The following IFFO2 variants were observed in gnomAD, a reference collection of about 807,000 sequenced individuals.
The protein encoded by IFFO2 is intermediate filament family orphan 2.
IFFO2 carries 19 observed loss-of-function variants against 53.5 expected under a neutral mutation model. That is an observed-to-expected ratio of 0.36 (90% CI 0.25 to 0.52). IFFO2 has a LOEUF of 0.52. Among genes scored for constraint, IFFO2 ranks in the 20% least tolerant of loss-of-function variants. The pLI, the probability that IFFO2 is intolerant of heterozygous loss-of-function variation, is 0.94. For synonymous variants in IFFO2, 303 were observed against 313.6 expected (o/e 0.97, Z 0.36); for missense variants, 570 against 727.4 (o/e 0.78, Z 2.49).
At chr1:18,953,749 G>A (rs747779613) in intron 1 of IFFO2, among the ~76,000 whole-genome samples, 12 of 152,186 alleles carry the variant, frequency 7.9e-5, no homozygotes, top group Non-Finnish European at 1.5e-4. Context: ...CAGCAGCACC[G>A]TCTCATTCCA....
intron 1 of IFFO2, among the ~76,000 whole-genome samples, chr1:18,954,160 C>T (rs1488240247): frequency 1.3e-5 from 2 of 152,202 alleles, no homozygotes; most frequent in Admixed American, 6.5e-5. Context: ...TAAGACCTAC[C>T]CCCAGGAAGC....
At chr1:18,913,773 G>A (rs566697305) in intron 5 of IFFO2, among the ~76,000 whole-genome samples, 6 of 152,202 alleles carry the variant, frequency 3.9e-5, no homozygotes, top group African/African-American at 1.4e-4. Context: ...CAGAATGGGG[G>A]TGGGGGGTGA....
chr1:18,951,511 G>A (rs1306005436), intron 1 of IFFO2, among the ~76,000 whole-genome samples: 1 of 152,202 alleles, frequency 6.6e-6, no homozygotes, highest in Non-Finnish European at 1.5e-5. Context: ...AGGATGGCTG[G>A]ACAGGCTTCT....
In IFFO2 at chr1:18,947,997, C is replaced by T. The variant is rs947538896; in HGVS notation, c.665+7671G>A. On this transcript the variant is annotated intron_variant, in intron 1 of 8. Transcript: ENST00000455833. This position sits in a 1 kb window ranked among gnomAD's most constrained non-coding sequence, Gnocchi z 5.0. ...TGGGGTCCAGAGACCCAGACGGACTCGTGGCGAGATCTGGGACAGAAGTCT... is the reference window on the plus strand; with the variant it reads ...TGGGGTCCAGAGACCCAGACGGACTTGTGGCGAGATCTGGGACAGAAGTCT... Among the ~76,000 whole-genome samples the T allele has an allele frequency of 6.6e-6, 1 of 152,154 alleles. No individual in the cohort carries two copies. Among genetic ancestry groups the T allele is most frequent in the South Asian group, 2.1e-4 (1 of 4,826 alleles).
At chr1:18,945,677 G>A (rs1936578796) in intron 1 of IFFO2, among the ~76,000 whole-genome samples, 1 of 152,238 alleles carries the variant, frequency 6.6e-6, no homozygotes. Context: ...AGACAGCTCA[G>A]AGACAGGCCC....
At chr1:18,943,253 T>C (rs1936543785) in intron 1 of IFFO2, among the ~76,000 whole-genome samples, 1 of 152,054 alleles carries the variant, frequency 6.6e-6, no homozygotes, top group Non-Finnish European at 1.5e-5. Flanking sequence ...GTGGTGTGTG[T>C]CTGAAGTCCT....
At chr1:18,933,946 C>T (rs1400799514) in intron 1 of IFFO2, among the ~76,000 whole-genome samples, 1 of 151,858 alleles carries the variant, frequency 6.6e-6, no homozygotes, top group Admixed American at 6.6e-5. Context: ...CCCGCAGCCC[C>T]TGGCAACCAC....
intron 1 of IFFO2, among the ~76,000 whole-genome samples, chr1:18,942,931 C>T (rs1226156044): frequency 6.6e-6 from 1 of 150,686 alleles, no homozygotes; most frequent in Admixed American, 6.6e-5. Flanking sequence ...CTCCACCTTG[C>T]GGGTTCAAGC....
chr1:18,908,869 G>A (rs537459437), intron 8 of IFFO2, among the ~76,000 whole-genome samples: 3 of 152,174 alleles, frequency 2.0e-5, no homozygotes, highest in South Asian at 2.1e-4. Flanking sequence ...TGGTCTGGCT[G>A]TGTTGGCTTC....
At position 18,905,226 on chromosome 1, in the gene IFFO2, A is replaced by G. The variant is rs1217652388; in HGVS notation, c.*3335T>C. 6.6e-6 allele frequency: 1 copy of G among 151,542 alleles called. No homozygotes were observed. The highest frequency in any genetic ancestry group is 2.4e-5 in the African/African-American group (1 of 41,150). 9.4% of individuals were successfully genotyped at this position (151,542 alleles called of 1,614,324 possible). On this transcript the variant is annotated 3_prime_UTR_variant, in exon 9 of 9. Coordinates refer to ENST00000455833, the MANE Select transcript of IFFO2 (RefSeq NM_001136265.2). ...AGCTGAGGGGTCAGAGGAGAGGAGA[A>G]TGGGGTGAAGTGGGACCTACACTCT...
chr1:18,944,510 T>C (rs1344974533), intron 1 of IFFO2, among the ~76,000 whole-genome samples: 2 of 152,044 alleles, frequency 1.3e-5, no homozygotes, highest in African/African-American at 2.4e-5. Context: ...GTGGCCAGCA[T>C]TGAGCTCCAA....
chr1:18,913,559 C>G (rs573521881), intron 5 of IFFO2, among the ~76,000 whole-genome samples: 143 of 152,364 alleles, frequency 9.4e-4, no homozygotes, highest in Non-Finnish European at 1.7e-3. Flanking sequence ...CACACGTTCC[C>G]CCTCTTCTCC....
intron 1 of IFFO2, among the ~76,000 whole-genome samples, chr1:18,922,572 C>G (rs1169265122): frequency 1.3e-5 from 2 of 152,196 alleles, no homozygotes; most frequent in Non-Finnish European, 1.5e-5. Context: ...GACACACACT[C>G]TCTCCCTCTC....
rs1936335532 is a variant in IFFO2 at position 18,928,774 on chromosome 1, G to C, written c.666-7653C>G. On this transcript the variant is annotated intron_variant, in intron 1 of 8. Coordinates refer to ENST00000455833, the MANE Select transcript of IFFO2 (RefSeq NM_001136265.2). This position sits in a 1 kb window ranked among gnomAD's most constrained non-coding sequence, Gnocchi z 4.9. ...AGTCCCTTCTCTGCCCTGGGCCTCAGTCTCCCCATCTATAATAGGATCTCC... is the reference window on the plus strand; with the variant it reads ...AGTCCCTTCTCTGCCCTGGGCCTCACTCTCCCCATCTATAATAGGATCTCC... 6.6e-6 allele frequency among the ~76,000 whole-genome samples: 1 copy of C among 152,222 alleles called. No homozygotes were observed. Among genetic ancestry groups the C allele is most frequent in the African/African-American group, 2.4e-5 (1 of 41,456 alleles).
At position 18,916,825 on chromosome 1, in the gene IFFO2, A is replaced by T. The variant is rs1465897556; in HGVS notation, c.1103+78T>A. ...TCTTCCAGTGCTGCAGGCTACTCTC[A>T]GCCCAAGCCTCCCATTCACCGCCCC... is the stretch of plus-strand genomic sequence containing the variant. On this transcript the variant is annotated intron_variant, in intron 5 of 8. Transcript: ENST00000455833. The surrounding 1 kb of genome is among the most constrained non-coding windows in gnomAD (Gnocchi z 4.3). 1 of 1,488,410 alleles carries T rather than the reference A, an allele frequency of 6.7e-7. No homozygotes were observed. The highest frequency in any genetic ancestry group is 9.1e-7 in the Non-Finnish European group (1 of 1,100,482). 92.2% of individuals were successfully genotyped at this position (1,488,410 alleles called of 1,614,324 possible).
At chr1:18,908,705 C>A (rs1233633501) in intron 8 of IFFO2, 39 bp from the exon 9 acceptor site, 2 of 1,444,144 alleles carry the variant, frequency 1.4e-6, no homozygotes. Flanking sequence ...CAGAGAGCAG[C>A]CCTGGGCCTC....
In IFFO2 at chr1:18,916,993, G is replaced by A; in HGVS notation, c.1013C>T (p.Ser338Phe). Residue 338 changes from serine (S) to phenylalanine (F), a missense_variant, in exon 5 of 9, where the codon TCT (serine) becomes TTT (phenylalanine). Physicochemically the swap from Ser to Phe is radical, Grantham distance 155 (BLOSUM62 -2). Transcript: ENST00000455833. The surrounding 1 kb of genome is among the most constrained non-coding windows in gnomAD (Gnocchi z 4.3). Reference sequence around the variant, plus strand: ...CCGGTTCACCTCCCCGTCCTGCTCAGAGATGTCATCATCGGAAGCCACCTT... The same window carrying A: ...CCGGTTCACCTCCCCGTCCTGCTCAAAGATGTCATCATCGGAAGCCACCTT... ...ERKVASDDDI[S>F]EQDGEVNRFS... 6.4e-7 allele frequency: 1 copy of A among 1,552,244 alleles called. No homozygotes were observed. Among genetic ancestry groups the A allele is most frequent in the Admixed American group, 2.0e-5 (1 of 51,018 alleles).
chr1:18,949,196 C>T (rs1936627230), intron 1 of IFFO2, among the ~76,000 whole-genome samples: 1 of 152,228 alleles, frequency 6.6e-6, no homozygotes, highest in Admixed American at 6.5e-5. Context: ...CTCACAGCAG[C>T]CAGACACAGA....
rs998681182 is a variant in IFFO2, at chr1:18,918,037, A to G, written c.963+325T>C. On this transcript the variant is annotated intron_variant, in intron 4 of 8. Coordinates refer to ENST00000455833, the MANE Select transcript of IFFO2 (RefSeq NM_001136265.2). This position sits in a 1 kb window ranked among gnomAD's most constrained non-coding sequence, Gnocchi z 5.2. Reference sequence around the variant, plus strand: ...AGAGGAAGGGGCAGGAAGCGGGACAATGGGTACAGTGTGGGCTGGTGAACC... The same window carrying G: ...AGAGGAAGGGGCAGGAAGCGGGACAGTGGGTACAGTGTGGGCTGGTGAACC... Among the ~76,000 whole-genome samples, 1 of 152,188 alleles carries G rather than the reference A, an allele frequency of 6.6e-6. No homozygotes were observed. The highest frequency in any genetic ancestry group is 2.4e-5 in the African/African-American group (1 of 41,454).
Sources: gnomAD v4.1 joint callset for allele counts (sites outside exome capture counted in the v4.1 genomes callset) on GRCh38, gnomAD v4.1.1 for gene constraint, Gnocchi (gnomAD v3.1) non-coding constraint, MANE v1.5 for transcripts, NCBI Gene and HGNC (gene_info 2026-07-23, HGNC 2026-07-21) for gene names.